SLC23A2: variants seen among roughly 807,000 people sequenced by gnomAD.
The protein encoded by SLC23A2 is solute carrier family 23 member 2, also known as Na(+)/L-ascorbic acid transporter 2.
A neutral mutation model predicts 73.3 loss-of-function variants in SLC23A2; 36 were observed. The observed-to-expected ratio is 0.49, with a 90% CI of 0.38 to 0.65. The LOEUF is 0.65. SLC23A2 is among the 30% of genes least tolerant of loss of function. The probability of loss-of-function intolerance (pLI) is 0.00; values close to 1 mark genes in which losing one functional copy is unlikely to be tolerated. For synonymous variants in SLC23A2, 343 were observed against 327.3 expected, an observed-to-expected ratio of 1.05 and a Z score of -0.52; for missense variants, 507 against 841.6, an observed-to-expected ratio of 0.60 and a Z score of 4.92.
chr20:4,899,684 A>C lies in SLC23A2; in HGVS notation c.353T>G (p.Ile118Ser). Residue 118 changes from isoleucine to serine, a missense_variant, in exon 6 of 17, where the codon ATC becomes AGC. Ile to Ser is a moderately radical substitution (Grantham distance 142). Around this residue, in one of 5 missense-constraint regions of SLC23A2, gnomAD observed 217 missense variants for 398.0 expected, o/e 0.55. Coordinates refer to ENST00000338244, the MANE Select transcript of SLC23A2 (RefSeq NM_005116.6). The surrounding 1 kb of genome is among the most constrained non-coding windows in gnomAD (Gnocchi z 4.9). ...ATCGGCCAACAGGAAGGGCACTGCG[A>C]TCGTGCCGCTGAAGCATGTCAGGTA... ...QHYLTCFSGTIAVPFLLADAM... is the reference protein window; with the variant it reads ...QHYLTCFSGTSAVPFLLADAM... 1 of 1,614,168 alleles carries C rather than the reference A, an allele frequency of 6.2e-7. No individual in the cohort carries two copies. The highest frequency in any genetic ancestry group is 8.5e-7 in the Non-Finnish European group (1 of 1,180,008).
chr20:4,978,468 A>G (rs2087677846), intron 1 of SLC23A2, among the ~76,000 whole-genome samples: 1 of 152,192 alleles, frequency 6.6e-6, no homozygotes, highest in Admixed American at 6.5e-5. Context: ...CGACCTAGAA[A>G]TGGCTAAGCC....
chr20:5,004,735 C>T (rs542435728), upstream of SLC23A2, among the ~76,000 whole-genome samples: 137 of 152,268 alleles, frequency 9.0e-4, 1 homozygote, highest in African/African-American at 3.1e-3. Flanking sequence ...TGCGGTGGCT[C>T]ACGCCTGTAA....
chr20:4,990,294 G>A (rs1454709453), intron 1 of SLC23A2, among the ~76,000 whole-genome samples: 1 of 152,146 alleles, frequency 6.6e-6, no homozygotes, highest in Non-Finnish European at 1.5e-5. Context: ...CCAAGGCAGA[G>A]GATTACTTGA....
intron 6 of SLC23A2, among the ~76,000 whole-genome samples, chr20:4,890,491 A>G (rs546916222): frequency 6.6e-6 from 1 of 152,150 alleles, no homozygotes; most frequent in African/African-American, 2.4e-5. Flanking sequence ...CATCTCTACT[A>G]AAAACACAAA....
intron 4 of SLC23A2, among the ~76,000 whole-genome samples, chr20:4,907,398 C>T (rs966682912): frequency 3.9e-5 from 6 of 151,932 alleles, no homozygotes; most frequent in Non-Finnish European, 7.4e-5. Flanking sequence ...TTTATTGCCT[C>T]CTATCCTGGA....
intron 7 of SLC23A2, 29 bp from the exon 8 acceptor site, chr20:4,884,852 G>C (rs1029779152): frequency 7.6e-6 from 10 of 1,316,930 alleles, no homozygotes; most frequent in Non-Finnish European, 1.1e-6. Context: ...GTTTTTCTTG[G>C]AGTGACACTG....
At position 4,873,818 on chromosome 20, in the gene SLC23A2, AG is replaced by A. The variant is rs368786717; in HGVS notation, c.1102+117del. 629 of 1,016,906 alleles carry A rather than the reference AG, an allele frequency of 6.2e-4. 2 individuals carry two copies. The African/African-American group carries it at 8.7e-3, about 14-fold the overall frequency. The allele number at this position is 1,016,906 out of a possible 1,614,324, so 63.0% of individuals were successfully genotyped here. A position where few individuals can be genotyped will look rare whatever the true frequency, so the allele number is the denominator to read the frequency against. On this transcript the variant is annotated intron_variant, in intron 11 of 16. Transcript: ENST00000338244. ...CTTGCTGTCTAATCCTCTCCTGACC[AG>A]AATGGCAAGGCCTTCAGGAGACAGT... is the stretch of plus-strand genomic sequence containing the variant.
chr20:4,955,151 G>T (rs1473988669), intron 2 of SLC23A2, among the ~76,000 whole-genome samples: 3 of 152,006 alleles, frequency 2.0e-5, no homozygotes, highest in African/African-American at 7.3e-5. Context: ...TACTGGGAAG[G>T]CTGAGGTAGG....
chr20:4,974,576 C>G (rs1600191199), intron 1 of SLC23A2, among the ~76,000 whole-genome samples: 2 of 147,948 alleles, frequency 1.4e-5, no homozygotes, highest in African/African-American at 5.1e-5. Context: ...CTTCTGAAAA[C>G]AAGGGCAAAC....
At chr20:4,993,806 G>A (rs1275313515) in intron 1 of SLC23A2, among the ~76,000 whole-genome samples, 3 of 152,112 alleles carry the variant, frequency 2.0e-5, no homozygotes, top group African/African-American at 7.2e-5. Flanking sequence ...CTTGGGCTGG[G>A]AACAGTGGCT....
At chr20:4,903,542 A>G (rs539296027) in intron 4 of SLC23A2, among the ~76,000 whole-genome samples, 1 of 152,350 alleles carries the variant, frequency 6.6e-6, no homozygotes, top group South Asian at 2.1e-4. Context: ...AGATATCCAC[A>G]TGGAAAAATG....
chr20:4,940,715 G>C (rs2087027051), intron 2 of SLC23A2, among the ~76,000 whole-genome samples: 1 of 152,174 alleles, frequency 6.6e-6, no homozygotes, highest in African/African-American at 2.4e-5. Flanking sequence ...TTTCCATAAA[G>C]TGAAACAAGC....
chr20:4,968,463 C>A (rs896867715), intron 2 of SLC23A2, among the ~76,000 whole-genome samples: 1 of 151,962 alleles, frequency 6.6e-6, no homozygotes, highest in Admixed American at 6.6e-5. Context: ...TCTGGGCAGG[C>A]GAGGAGAGCA....
At chr20:4,997,557 A>AT (rs2088044843) in intron 1 of SLC23A2, among the ~76,000 whole-genome samples, 1 of 152,174 alleles carries the variant, frequency 6.6e-6, no homozygotes, top group South Asian at 2.1e-4. Context: ...ATGTGGCTGT[A>AT]TTTAGAGATA....
At chr20:4,989,464 A>G (rs2087889675) in intron 1 of SLC23A2, among the ~76,000 whole-genome samples, 1 of 152,132 alleles carries the variant, frequency 6.6e-6, no homozygotes, top group African/African-American at 2.4e-5. Flanking sequence ...TATGTTTCAT[A>G]TACGCCTTAG....
chr20:4,917,094 T>C (rs534721901), intron 3 of SLC23A2, among the ~76,000 whole-genome samples: 1 of 152,330 alleles, frequency 6.6e-6, no homozygotes, highest in South Asian at 2.1e-4. Flanking sequence ...CCTGCCTCCC[T>C]GCAGGAGCTC....
chr20:4,864,474 G>A (rs995716138), intron 13 of SLC23A2, among the ~76,000 whole-genome samples: 5 of 152,100 alleles, frequency 3.3e-5, no homozygotes, highest in African/African-American at 9.7e-5. Flanking sequence ...CAGACGGCAG[G>A]GAAGCAATGG....
At position 4,859,307 on chromosome 20, in the gene SLC23A2, G is replaced by A. The variant is rs1203923791; in HGVS notation, c.1702C>T (p.Leu568=). 1.2e-6 allele frequency: 2 copies of A among 1,608,406 alleles called. No homozygotes were observed. Among genetic ancestry groups the A allele is most frequent in the African/African-American group, 1.3e-5 (1 of 74,526 alleles). Residue 568 remains leucine, a synonymous_variant, in exon 16 of 17, where the codon CTG becomes TTG. Transcript: ENST00000338244. ...CACGTACCTGGGATGGTGTTATCCA[G>A]GATAAAAGCCACACAGCCCCCTACA... ...MFVGGCVAFI[L]DNTIPGTPEE... is the part of the protein sequence containing the mutation.
At chr20:4,881,108 T>C (rs1050877846) in intron 9 of SLC23A2, among the ~76,000 whole-genome samples, 2 of 152,210 alleles carry the variant, frequency 1.3e-5, no homozygotes, top group African/African-American at 4.8e-5. Context: ...CATTTCTGGC[T>C]GAAGCAACTA....
Sources: allele counts gnomAD v4.1 joint callset (sites outside exome capture counted in the v4.1 genomes callset), GRCh38; gene constraint gnomAD v4.1.1; regional missense constraint gnomAD v4.1.1; non-coding constraint Gnocchi (gnomAD v3.1); transcripts MANE v1.5; gene names NCBI Gene and HGNC (gene_info 2026-07-23, HGNC 2026-07-21).